The following PARD3B variants were observed in gnomAD, a reference collection of about 807,000 sequenced individuals.
PARD3B encodes partitioning defective 3 homolog B.
In PARD3B, 103 loss-of-function variants were observed where a neutral mutation model predicts 130.2. The ratio of observed to expected loss-of-function variants is 0.79; its 90% CI spans 0.67 to 0.93. The LOEUF (loss-of-function observed/expected upper bound fraction) is 0.93, where lower values mean the gene tolerates loss of function less well. Ranked by LOEUF, PARD3B falls within the 40% of genes least tolerant of loss-of-function variation. The probability of loss-of-function intolerance (pLI) is 0.00; values close to 1 mark genes in which losing one functional copy is unlikely to be tolerated. For missense variants in PARD3B, 1,609 were observed against 1,499.2 expected (o/e 1.07, Z -1.21); for synonymous variants, 583 against 553.2 (o/e 1.05, Z -0.76).
chr2:205,610,227 G>T (rs1024824162), intron 22 of PARD3B, among the ~76,000 whole-genome samples: 1 of 152,088 alleles, frequency 6.6e-6, no homozygotes, highest in Non-Finnish European at 1.5e-5. Context: ...TGGGACAGAG[G>T]GAACAGGACA....
intron 18 of PARD3B, among the ~76,000 whole-genome samples, chr2:205,375,843 G>A (rs2045025243): frequency 6.6e-6 from 1 of 152,130 alleles, no homozygotes; most frequent in South Asian, 2.1e-4. Flanking sequence ...CAGAGAAGGG[G>A]AGAAACAAGC....
intron 1 of PARD3B, among the ~76,000 whole-genome samples, chr2:204,549,006 A>G (rs1403370378): frequency 6.6e-6 from 1 of 152,212 alleles, no homozygotes; most frequent in Non-Finnish European, 1.5e-5. Context: ...AAAGTAAGTG[A>G]AGTCCAAGAA....
At chr2:204,960,486 A>G (rs1241707961) in intron 2 of PARD3B, among the ~76,000 whole-genome samples, 1 of 152,198 alleles carries the variant, frequency 6.6e-6, no homozygotes, top group Non-Finnish European at 1.5e-5. Flanking sequence ...CAAACCAACA[A>G]TAATGATGAT....
At chr2:204,695,105 A>G (rs138056396) in intron 2 of PARD3B, among the ~76,000 whole-genome samples, 1 of 152,160 alleles carries the variant, frequency 6.6e-6, no homozygotes, top group East Asian at 1.9e-4. Context: ...GTAATTCAAA[A>G]TAAGAGTCAA....
intron 2 of PARD3B, among the ~76,000 whole-genome samples, chr2:204,806,021 T>G (rs1327143067): frequency 6.6e-6 from 1 of 152,098 alleles, no homozygotes; most frequent in Non-Finnish European, 1.5e-5. Flanking sequence ...TCCATGTTCA[T>G]GGATTGGAAG....
chr2:205,168,670 T>A (rs2034972242), intron 11 of PARD3B, among the ~76,000 whole-genome samples: 1 of 151,850 alleles, frequency 6.6e-6, no homozygotes. Context: ...TTTTTTTTTT[T>A]TTTTTCCCTC....
intron 3 of PARD3B, among the ~76,000 whole-genome samples, chr2:205,000,043 T>G (rs1178346106): frequency 2.0e-5 from 3 of 151,976 alleles, no homozygotes; most frequent in African/African-American, 7.3e-5. Flanking sequence ...ATCGTGCTCC[T>G]TTTGCCTGTG....
At chr2:204,810,000 A>G (rs1013617023) in intron 2 of PARD3B, among the ~76,000 whole-genome samples, 1 of 151,960 alleles carries the variant, frequency 6.6e-6, no homozygotes, top group Non-Finnish European at 1.5e-5. Flanking sequence ...TTTGGTGGCA[A>G]TTGTGAATGC....
chr2:205,436,312 A>C (rs1230587915), intron 19 of PARD3B, among the ~76,000 whole-genome samples: 2 of 152,142 alleles, frequency 1.3e-5, no homozygotes, highest in Non-Finnish European at 2.9e-5. Context: ...ATTTTGATGC[A>C]GTTCTTAGTT....
At chr2:204,992,686 G>A (rs1452202518) in intron 3 of PARD3B, among the ~76,000 whole-genome samples, 4 of 82,272 alleles carry the variant, frequency 4.9e-5, no homozygotes, top group Non-Finnish European at 7.2e-5. Flanking sequence ...CCATTTTCAC[G>A]ATATTGATTC....
chr2:204,608,850 C>A (rs1457963852), intron 1 of PARD3B, among the ~76,000 whole-genome samples: 1 of 152,150 alleles, frequency 6.6e-6, no homozygotes, highest in African/African-American at 2.4e-5. Context: ...AGAATGGATA[C>A]AATTTACTGT....
At chr2:204,557,260 C>T (rs1272630283) in intron 1 of PARD3B, among the ~76,000 whole-genome samples, 1 of 152,150 alleles carries the variant, frequency 6.6e-6, no homozygotes, top group African/African-American at 2.4e-5. Context: ...GGATGTCCCA[C>T]AGACAATTCA....
At chr2:204,883,718 A>T (rs1197242822) in intron 2 of PARD3B, among the ~76,000 whole-genome samples, 5 of 151,458 alleles carry the variant, frequency 3.3e-5, no homozygotes, top group Non-Finnish European at 7.4e-5. Flanking sequence ...TGCTGGGATT[A>T]CACACATGAG....
chr2:205,588,862 A>G (rs2054287677), intron 22 of PARD3B, among the ~76,000 whole-genome samples: 2 of 152,172 alleles, frequency 1.3e-5, no homozygotes, highest in Admixed American at 6.5e-5. Flanking sequence ...GCAAACTCCA[A>G]CTCTCAGGGA....
At chr2:204,589,032 C>A (rs560391696) in intron 1 of PARD3B, among the ~76,000 whole-genome samples, 28 of 152,002 alleles carry the variant, frequency 1.8e-4, no homozygotes, top group Non-Finnish European at 3.4e-4. Context: ...TGTTAAGACC[C>A]GATAAATATT....
At chr2:205,536,989 T>C (rs918832251) in intron 21 of PARD3B, among the ~76,000 whole-genome samples, 1 of 152,196 alleles carries the variant, frequency 6.6e-6, no homozygotes, top group Non-Finnish European at 1.5e-5. Context: ...TTCATCCTAA[T>C]GGATTATACC....
At chr2:205,391,272 C>T (rs1336852882) in intron 18 of PARD3B, among the ~76,000 whole-genome samples, 3 of 152,310 alleles carry the variant, frequency 2.0e-5, no homozygotes, top group African/African-American at 7.2e-5. Context: ...CGCACAAATG[C>T]GAAGGCAGTA....
chr2:205,610,660 G>A (rs567737406), intron 22 of PARD3B, among the ~76,000 whole-genome samples: 6 of 152,166 alleles, frequency 3.9e-5, no homozygotes, highest in Non-Finnish European at 8.8e-5. Flanking sequence ...AGATAAGACA[G>A]TATAATCTTG....
At chr2:205,468,684 A>G (rs370881134) in intron 20 of PARD3B, among the ~76,000 whole-genome samples, 1 of 151,834 alleles carries the variant, frequency 6.6e-6, no homozygotes, top group African/African-American at 2.4e-5. Context: ...TCTGCACTGC[A>G]TTTTCACGGT....
Sources: allele counts gnomAD v4.1 joint callset (sites outside exome capture counted in the v4.1 genomes callset), GRCh38; gene constraint gnomAD v4.1.1; transcripts MANE v1.5; gene names NCBI Gene and HGNC (gene_info 2026-07-23, HGNC 2026-07-21).